KANK2: variants seen among roughly 807,000 people sequenced by gnomAD.
The protein encoded by KANK2 is KN motif and ankyrin repeat domains 2, also known as KN motif and ankyrin repeat domain-containing protein 2.
Under a neutral mutation model 74.6 loss-of-function variants are expected in KANK2, and 41 were observed. The observed-to-expected ratio is 0.55, with a 90% CI of 0.43 to 0.71. The LOEUF (loss-of-function observed/expected upper bound fraction) is 0.71, where lower values mean the gene tolerates loss of function less well. KANK2 is among the 30% of genes least tolerant of loss of function. The probability of loss-of-function intolerance (pLI) is 0.00; values close to 1 mark genes in which losing one functional copy is unlikely to be tolerated. For synonymous variants in KANK2, 537 were observed against 519.0 expected, an observed-to-expected ratio of 1.03 and a Z score of -0.47; for missense variants, 1,148 against 1,196.4, an observed-to-expected ratio of 0.96 and a Z score of 0.60.
intron 4 of KANK2, among the ~76,000 whole-genome samples, chr19:11,182,546 CAAAACAAAACAAAAA>C (rs1568648241): frequency 5.9e-5 from 7 of 119,654 alleles, no homozygotes; most frequent in African/African-American, 1.5e-4. Flanking sequence ...AACAAAAAAA[CAAAACAAAACAAAAA>C]AGCCAGGCGC....
rs779043691 is a variant in KANK2 at position 11,175,898 on chromosome 19, G to A, written c.1848+4C>T. ...GCCAACCTAGGCCCAGGGCCAGATC[G>A]TACCAGCTCCCGCTCTGTGAGGGCG... On this transcript the variant is annotated splice_donor_region_variant and intron_variant, in intron 8 of 12. Coordinates refer to ENST00000586659, the MANE Select transcript of KANK2 (RefSeq NM_001136191.3). 95 of 1,612,442 alleles carry A rather than the reference G, an allele frequency of 5.9e-5. 1 individual carries two copies. In the East Asian group the frequency reaches 1.8e-3, roughly 31 times the overall value.
chr19:11,173,652 T>C (rs545543198), intron 9 of KANK2, among the ~76,000 whole-genome samples: 4 of 152,302 alleles, frequency 2.6e-5, no homozygotes, highest in Admixed American at 2.0e-4. Flanking sequence ...CTTCTGCCTT[T>C]TCCATTATGC....
Position 11,176,836 on chromosome 19 carries a change from G to C in KANK2, c.1521-19C>G. The C allele has an allele frequency of 4.7e-6, 7 of 1,495,524 alleles. No individual in the cohort carries two copies. The highest frequency in any genetic ancestry group is 6.2e-6 in the Non-Finnish European group (7 of 1,121,488). The allele number at this position is 1,495,524 out of a possible 1,614,324, so 92.6% of individuals were successfully genotyped here. ...CTCATACCTGGGGAGGAACGAGCGG[G>C]GAGGGGGAGATGCTGCAGGTGGGAT... On this transcript the variant is annotated intron_variant, in intron 6 of 12. Transcript: ENST00000586659.
intron 4 of KANK2, among the ~76,000 whole-genome samples, chr19:11,191,345 T>C (rs1395732500): frequency 1.6e-4 from 24 of 152,160 alleles, no homozygotes; most frequent in Admixed American, 1.5e-3. Flanking sequence ...GGCCCAGCTG[T>C]CATTATTATG....
chr19:11,178,450 G>T lies in KANK2; in HGVS notation c.1418-3C>A. 3 of 1,599,400 alleles carry T rather than the reference G, an allele frequency of 1.9e-6. No individual in the cohort carries two copies. Among genetic ancestry groups the T allele is most frequent in the Non-Finnish European group, 2.6e-6 (3 of 1,174,580 alleles). On this transcript the variant is annotated splice_polypyrimidine_tract_variant and splice_region_variant and intron_variant, in intron 5 of 12. Transcript: ENST00000586659. ...TCGCACGCCTGCCGGGGGCCCGCCT[G>T]GAGGGGAGGACAGCGGAGGTGCTGT...
intron 8 of KANK2, 42 bp downstream of exon 8, chr19:11,175,860 G>A (rs2078320561): frequency 6.7e-7 from 1 of 1,497,564 alleles, no homozygotes; most frequent in Non-Finnish European, 9.3e-7. Flanking sequence ...TGGAGGTAGG[G>A]GTCCGGGGGG....
chr19:11,187,391 A>C (rs530384084), intron 4 of KANK2, among the ~76,000 whole-genome samples: 1 of 152,310 alleles, frequency 6.6e-6, no homozygotes, highest in East Asian at 1.9e-4. Context: ...CTGAAGCACA[A>C]CACCATTTAA....
chr19:11,174,235 T>C (rs2078264702), intron 9 of KANK2, among the ~76,000 whole-genome samples: 1 of 152,142 alleles, frequency 6.6e-6, no homozygotes, highest in Admixed American at 6.5e-5. Context: ...CCCATTGAAC[T>C]GGGAAGGTGC....
At chr19:11,191,096 A>C (rs891748475) in intron 4 of KANK2, among the ~76,000 whole-genome samples, 3 of 151,714 alleles carry the variant, frequency 2.0e-5, no homozygotes, top group Non-Finnish European at 4.4e-5. Context: ...GCTGGAGGGC[A>C]GTGGTGTGAT....
At position 11,174,480 on chromosome 19, in the gene KANK2, G is replaced by T; in HGVS notation, c.2061C>A (p.Leu687=). The change falls in exon 9 of 13, where the codon CTC becomes CTA. Residue 687 remains leucine (L), a synonymous_variant. Transcript: ENST00000586659. The stretch of plus-strand genomic sequence containing the variant: ...CCTCCCCGCTGGGCTCACCGCTGTC[G>T]AGCAGCTGCTGCACCACGGGGAAGT... The part of the protein sequence containing the change: ...HANFPVVQQL[L]DSGVCKVDKQ... The T allele has an allele frequency of 1.2e-6, 2 of 1,608,576 alleles. No homozygotes were observed. Among genetic ancestry groups the T allele is most frequent in the East Asian group, 2.2e-5 (1 of 44,592 alleles).
chr19:11,176,352 G>A (rs1022608531), intron 7 of KANK2, among the ~76,000 whole-genome samples: 1 of 152,176 alleles, frequency 6.6e-6, no homozygotes, highest in African/African-American at 2.4e-5. Flanking sequence ...ACTTTGGCTG[G>A]TCCCCTAAAT....
chr19:11,191,552 G>C (rs371119411), intron 4 of KANK2, among the ~76,000 whole-genome samples: 64 of 152,370 alleles, frequency 4.2e-4, no homozygotes, highest in African/African-American at 1.5e-3. Flanking sequence ...GGGACACCGT[G>C]ATTGGCTCAG....
At chr19:11,174,765 GC>G in intron 8 of KANK2, 73 bp from the exon 9 acceptor site, 4 of 1,223,262 alleles carry the variant, frequency 3.3e-6, no homozygotes, top group African/African-American at 1.5e-5. Context: ...CCCCAGATGC[GC>G]CCCCGGAGCA....
At chr19:11,174,426 G>C in intron 9 of KANK2, 47 bp downstream of exon 9, 3 of 1,472,452 alleles carry the variant, frequency 2.0e-6, no homozygotes, top group Non-Finnish European at 1.9e-6. Flanking sequence ...GGGCATGGCG[G>C]ACAGCTGGCT....
chr19:11,193,104 G>A lies in KANK2; in HGVS notation c.976C>T (p.Arg326Cys), dbSNP rs200634853. ...QAWPPPDSPV[R>C]VDTVRVVEGP... is the part of the protein sequence containing the mutation. ...TCTACCACCCGGACTGTATCCACGCGGACCGGGCTGTCCGGCGGTGGCCAG... is the reference window on the plus strand; with the variant it reads ...TCTACCACCCGGACTGTATCCACGCAGACCGGGCTGTCCGGCGGTGGCCAG... The change falls in exon 4 of 13, where the codon CGC becomes TGC. Residue 326 changes from arginine (R) to cysteine (C), a missense_variant. Transcript: ENST00000586659. The surrounding 1 kb of genome is among the most constrained non-coding windows in gnomAD (Gnocchi z 9.6). 5.7e-4 allele frequency: 920 copies of A among 1,606,202 alleles called. 3 individuals are homozygous for A. Among genetic ancestry groups the A allele is most frequent in the East Asian group, 4.2e-3 (189 of 44,644 alleles).
At chr19:11,188,190 C>A (rs911238075) in intron 4 of KANK2, among the ~76,000 whole-genome samples, 5 of 149,468 alleles carry the variant, frequency 3.3e-5, no homozygotes, top group Non-Finnish European at 7.4e-5. Flanking sequence ...GTTTTGGACT[C>A]CTGAAGGCCA....
At position 11,170,512 on chromosome 19, in the gene KANK2, G is replaced by A. The variant is rs117099489; in HGVS notation, c.2212-264C>T. 1 of 549,014 alleles carries A rather than the reference G, an allele frequency of 1.8e-6. No homozygotes were observed. The highest frequency in any genetic ancestry group is 3.3e-6 in the Non-Finnish European group (1 of 305,170). The allele number at this position is 549,014 out of a possible 1,614,324, so 34.0% of individuals were successfully genotyped here. A position where few individuals can be genotyped will look rare whatever the true frequency, so the allele number is the denominator to read the frequency against. On this transcript the variant is annotated intron_variant, in intron 10 of 12. Coordinates refer to ENST00000586659, the MANE Select transcript of KANK2 (RefSeq NM_001136191.3). The surrounding 1 kb of genome is among the most constrained non-coding windows in gnomAD (Gnocchi z 5.2). The stretch of plus-strand genomic sequence containing the variant: ...GATACAGGTTTCCTTTGGGGGTGAA[G>A]AGAACGTTCTGGAACTAGACGGAGG...
rs1327292630 is a variant in KANK2, at chr19:11,177,633, T to G, written c.1520+712A>C. 2.0e-5 allele frequency among the ~76,000 whole-genome samples: 3 copies of G among 152,202 alleles called. No individual in the cohort carries two copies. In the East Asian group the frequency reaches 5.8e-4, roughly 29 times the overall value. On this transcript the variant is annotated intron_variant, in intron 6 of 12. Coordinates refer to ENST00000586659, the MANE Select transcript of KANK2 (RefSeq NM_001136191.3). Reference sequence around the variant, plus strand: ...TCCCAAAGTGCTGGGATTACAGATGTGAGCCACCGCGCCCGGCCACTTCTA... The same window carrying G: ...TCCCAAAGTGCTGGGATTACAGATGGGAGCCACCGCGCCCGGCCACTTCTA...
chr19:11,166,003 C>T lies in KANK2; in HGVS notation c.*555G>A, dbSNP rs1031253107. 1 of 152,446 alleles carries T rather than the reference C, an allele frequency of 6.6e-6. No homozygotes were observed. The highest frequency in any genetic ancestry group is 1.5e-5 in the Non-Finnish European group (1 of 68,154). The allele number at this position is 152,446 out of a possible 1,614,324, so 9.4% of individuals were successfully genotyped here. ...TTGTGAAACAACCAGAAGAAAATTC[C>T]CCTAAGAAAGCCGTCTAGCGGGGCA... On this transcript the variant is annotated 3_prime_UTR_variant, in exon 13 of 13. Coordinates refer to ENST00000586659, the MANE Select transcript of KANK2 (RefSeq NM_001136191.3).
Sources: gnomAD v4.1 joint callset for allele counts (sites outside exome capture counted in the v4.1 genomes callset) on GRCh38, gnomAD v4.1.1 for gene constraint, Gnocchi (gnomAD v3.1) non-coding constraint, MANE v1.5 for transcripts, NCBI Gene and HGNC (gene_info 2026-07-23, HGNC 2026-07-21) for gene names.